UHMK1: variants seen among roughly 807,000 people sequenced by gnomAD.
The protein encoded by UHMK1 is U2AF homology motif kinase 1.
A neutral mutation model predicts 44.0 loss-of-function variants in UHMK1; 18 were observed. The observed-to-expected ratio is 0.41, with a 90% CI of 0.28 to 0.61. UHMK1 has a LOEUF of 0.61. UHMK1 is among the 20% of genes least tolerant of loss of function. UHMK1 has a pLI of 0.31. For missense variants in UHMK1, 463 were observed against 522.5 expected, an observed-to-expected ratio of 0.89 and a Z score of 1.11; for synonymous variants, 231 against 198.5, an observed-to-expected ratio of 1.16 and a Z score of -1.38.
intron 4 of UHMK1, among the ~76,000 whole-genome samples, chr1:162,504,857 C>T (rs1651412655): frequency 6.6e-6 from 1 of 152,176 alleles, no homozygotes; most frequent in Non-Finnish European, 1.5e-5. Context: ...TCACTGCAAC[C>T]TCTGCCTCCC....
rs1207011134 is a variant in UHMK1 at position 162,517,904 on chromosome 1, G to T, written c.1025-198G>T. On this transcript the variant is annotated intron_variant, in intron 6 of 7. Coordinates refer to ENST00000489294, the MANE Select transcript of UHMK1 (RefSeq NM_175866.5). ...AAAAAAGAAAAGAAACTGATACTATGTGTTGCCTTCAAGGAGAGTAGAAGG... is the reference window on the plus strand; with the variant it reads ...AAAAAAGAAAAGAAACTGATACTATTTGTTGCCTTCAAGGAGAGTAGAAGG... Among the ~76,000 whole-genome samples the T allele has an allele frequency of 2.6e-5, 4 of 152,038 alleles. No homozygotes were observed. The South Asian group carries it at 8.3e-4, about 31-fold the overall frequency.
intron 4 of UHMK1, 45 bp downstream of exon 4, chr1:162,503,893 G>T: frequency 7.0e-7 from 1 of 1,434,078 alleles, no homozygotes; most frequent in Non-Finnish European, 9.8e-7. Context: ...CATGTACTAT[G>T]TGAAATGGTA....
chr1:162,513,373 A>T (rs193192048), intron 6 of UHMK1, among the ~76,000 whole-genome samples: 2 of 152,212 alleles, frequency 1.3e-5, no homozygotes, highest in East Asian at 3.9e-4. Context: ...CTATGCTTGC[A>T]TTTCTCCATT....
At chr1:162,505,595 T>A (rs1011445174) in intron 4 of UHMK1, among the ~76,000 whole-genome samples, 1 of 152,198 alleles carries the variant, frequency 6.6e-6, no homozygotes, top group African/African-American at 2.4e-5. Context: ...CGCTAGGCGA[T>A]AGGAATTTTT....
intron 4 of UHMK1, among the ~76,000 whole-genome samples, chr1:162,511,291 A>G (rs1293115947): frequency 6.7e-6 from 1 of 148,868 alleles, no homozygotes; most frequent in African/African-American, 2.5e-5. Flanking sequence ...CATAGGGTCA[A>G]GTGATCCTGG....
At chr1:162,511,493 T>C (rs1410905543) in intron 4 of UHMK1, among the ~76,000 whole-genome samples, 1 of 152,158 alleles carries the variant, frequency 6.6e-6, no homozygotes, top group Non-Finnish European at 1.5e-5. Flanking sequence ...ATATCTTGTA[T>C]ATTACTCCCC....
intron 3 of UHMK1, 122 bp from the exon 4 acceptor site, chr1:162,503,628 AAAAG>A: frequency 1.7e-6 from 1 of 605,672 alleles, no homozygotes; most frequent in Non-Finnish European, 2.7e-6. Flanking sequence ...AAAAAAAAAA[AAAAG>A]ATTGTAGGCT....
chr1:162,498,321 C>G (rs554287888), intron 1 of UHMK1, 53 bp downstream of exon 1: 1 of 1,517,254 alleles, frequency 6.6e-7, no homozygotes, highest in African/African-American at 1.4e-5. Flanking sequence ...TCCGAGCACA[C>G]TCTTCCTCTC....
chr1:162,513,281 G>A (rs1433735941), intron 6 of UHMK1, among the ~76,000 whole-genome samples: 3 of 152,050 alleles, frequency 2.0e-5, no homozygotes, highest in African/African-American at 2.4e-5. Context: ...ACTCTTTTAC[G>A]TTTCATCTTT....
In UHMK1 at chr1:162,529,363, CAA is replaced by C. The variant is rs1652365341; in HGVS notation, c.*6814_*6815del. The C allele has an allele frequency of 6.6e-6, 1 of 152,088 alleles. No homozygotes were observed. 9.4% of individuals were successfully genotyped at this position (152,088 alleles called of 1,614,324 possible). A position where few individuals can be genotyped will look rare whatever the true frequency, so the allele number is the denominator to read the frequency against. On this transcript the variant is annotated 3_prime_UTR_variant, in exon 8 of 8. Coordinates refer to ENST00000489294, the MANE Select transcript of UHMK1 (RefSeq NM_175866.5). ...AATCCCTAAATTTCTGATTTCCATT[CAA>C]GTCTTTTAAACTCTTTCCTGCTGAA...
At chr1:162,515,119 C>T (rs181638535) in intron 6 of UHMK1, among the ~76,000 whole-genome samples, 9 of 151,630 alleles carry the variant, frequency 5.9e-5, no homozygotes, top group Non-Finnish European at 7.4e-5. Context: ...AGTTTTATGT[C>T]CTCTTAATAT....
rs924145103 is a variant in UHMK1 at position 162,525,832 on chromosome 1, T to C, written c.*3282T>C. On this transcript the variant is annotated 3_prime_UTR_variant, in exon 8 of 8. Coordinates refer to ENST00000489294, the MANE Select transcript of UHMK1 (RefSeq NM_175866.5). Reference sequence around the variant, plus strand: ...GTATGGTTTTACTCGAACTTCTCTTTGTTTTTATTGAGAGAAATATTGCCT... The same window carrying C: ...GTATGGTTTTACTCGAACTTCTCTTCGTTTTTATTGAGAGAAATATTGCCT... 12 of 151,974 alleles carry C rather than the reference T, an allele frequency of 7.9e-5. No homozygotes were observed. Among genetic ancestry groups the C allele is most frequent in the African/African-American group, 2.9e-4 (12 of 41,454 alleles). The allele number at this position is 151,974 out of a possible 1,614,324, so 9.4% of individuals were successfully genotyped here. A position where few individuals can be genotyped will look rare whatever the true frequency, so the allele number is the denominator to read the frequency against.
upstream of UHMK1, chr1:162,497,766 GC>G (rs60701613): frequency 1.2e-4 from 145 of 1,252,854 alleles, 1 homozygote; most frequent in Middle Eastern, 3.0e-4. Context: ...CCCCTTCTGA[GC>G]CCCCCCTCCT....
intron 3 of UHMK1, among the ~76,000 whole-genome samples, chr1:162,502,674 C>T (rs558407171): frequency 5.8e-4 from 89 of 152,210 alleles, no homozygotes; most frequent in African/African-American, 2.0e-3. Context: ...CTAGATAAAA[C>T]GCTATTTTTC....
intron 3 of UHMK1, among the ~76,000 whole-genome samples, chr1:162,501,396 C>T (rs1651263121): frequency 6.6e-6 from 1 of 152,296 alleles, no homozygotes; most frequent in South Asian, 2.1e-4. Context: ...TCTCAAACTC[C>T]TGACCTCATG....
intron 4 of UHMK1, among the ~76,000 whole-genome samples, chr1:162,507,581 C>CTT (rs548617627): frequency 0.017 from 2,303 of 132,910 alleles, 129 homozygotes; most frequent in African/African-American, 0.052. Context: ...CCCATTCTTT[C>CTT]TTTTTTTTTT....
At position 162,498,075 on chromosome 1, in the gene UHMK1, A is replaced by G; in HGVS notation, c.75A>G (p.Val25=). The G allele has an allele frequency of 6.2e-7, 1 of 1,611,578 alleles. No homozygotes were observed. The highest frequency in any genetic ancestry group is 8.5e-7 in the Non-Finnish European group (1 of 1,179,632). The stretch of plus-strand genomic sequence containing the variant: ...AGGCCTTCGGGCGGCTGTGGCAGGT[A>G]CAGAGCCGTCTGGGTAGCGGCTCCT... ...FLEAFGRLWQ[V]QSRLGSGSSA... The change falls in exon 1 of 8, where the codon GTA becomes GTG. Residue 25 remains valine, a synonymous_variant. Transcript: ENST00000489294.
Position 162,512,584 on chromosome 1 carries a change from G to C in UHMK1, c.925+8G>C, listed in dbSNP as rs1651704868. Reference sequence around the variant, plus strand: ...TCTTTAGCATTCCTTTTGGTAAGTTGTGTATTCTTTTATTTTTTTCTTGGT... The same window carrying C: ...TCTTTAGCATTCCTTTTGGTAAGTTCTGTATTCTTTTATTTTTTTCTTGGT... On this transcript the variant is annotated splice_region_variant and intron_variant, in intron 5 of 7. Coordinates refer to ENST00000489294, the MANE Select transcript of UHMK1 (RefSeq NM_175866.5). 4 of 1,608,230 alleles carry C rather than the reference G, an allele frequency of 2.5e-6. No individual in the cohort carries two copies. Among genetic ancestry groups the C allele is most frequent in the African/African-American group, 1.3e-5 (1 of 74,442 alleles).
rs1196718420 is a variant in UHMK1, at chr1:162,499,500, A to C, written c.269-455A>C. ...TGTTTTGGATGAAGAAGCAATGTTT[A>C]GTTTGGTTTTTGCGCATTGTGACAT... On this transcript the variant is annotated intron_variant, in intron 1 of 7. Coordinates refer to ENST00000489294, the MANE Select transcript of UHMK1 (RefSeq NM_175866.5). 4.6e-5 allele frequency among the ~76,000 whole-genome samples: 7 copies of C among 152,164 alleles called. 1 individual carries two copies. Among genetic ancestry groups the C allele is most frequent in the Non-Finnish European group, 1.5e-5 (1 of 68,034 alleles).
Sources: allele counts gnomAD v4.1 joint callset (sites outside exome capture counted in the v4.1 genomes callset), GRCh38; gene constraint gnomAD v4.1.1; transcripts MANE v1.5; gene names NCBI Gene and HGNC (gene_info 2026-07-23, HGNC 2026-07-21).